Variants in CNTNAP2 observed in about 807,000 individuals in gnomAD.
The protein encoded by CNTNAP2 is contactin-associated protein-like 2.
In CNTNAP2, 98 loss-of-function variants were observed where a neutral mutation model predicts 155.2. That is an observed-to-expected ratio of 0.63 (90% CI 0.54 to 0.75). CNTNAP2 has a LOEUF of 0.75. CNTNAP2 is among the 30% of genes least tolerant of loss of function. The pLI is 0.00. For missense variants in CNTNAP2, 1,727 were observed against 1,688.1 expected (o/e 1.02, Z -0.40); for synonymous variants, 651 against 631.2 (o/e 1.03, Z -0.47).
rs1310791811 is a variant in CNTNAP2, at chr7:147,486,052, A to G, written c.1777+11A>G. On this transcript the variant is annotated intron_variant, in intron 11 of 23. Transcript: ENST00000361727. ...CCACCTGCCACAACTGTGAGTGCCA[A>G]TTTATCTCACTTTAATCTTGTAATT... 3 of 1,604,920 alleles carry G rather than the reference A, an allele frequency of 1.9e-6. No individual in the cohort carries two copies. In the African/African-American group the frequency reaches 4.0e-5, roughly 21 times the overall value.
chr7:148,042,379 G>A (rs1277445133), intron 15 of CNTNAP2, among the ~76,000 whole-genome samples: 1 of 152,200 alleles, frequency 6.6e-6, no homozygotes, highest in Non-Finnish European at 1.5e-5. Context: ...AGGGGGAAGG[G>A]AGGAGTTGTT....
chr7:147,769,116 C>G (rs1245445434), intron 13 of CNTNAP2, among the ~76,000 whole-genome samples: 1 of 152,054 alleles, frequency 6.6e-6, no homozygotes, highest in Non-Finnish European at 1.5e-5. Context: ...ATTTAATTAG[C>G]ACATGTGGTG....
At chr7:146,901,259 G>A (rs1003950777) in intron 3 of CNTNAP2, among the ~76,000 whole-genome samples, 1 of 152,124 alleles carries the variant, frequency 6.6e-6, no homozygotes, top group Non-Finnish European at 1.5e-5. Flanking sequence ...TTTCTGCTGA[G>A]TAAAAGCTAT....
At chr7:146,419,285 A>C (rs1221528564) in intron 1 of CNTNAP2, among the ~76,000 whole-genome samples, 4 of 152,034 alleles carry the variant, frequency 2.6e-5, no homozygotes. Context: ...AGTATGGGGG[A>C]AACTGCCCTC....
intron 1 of CNTNAP2, among the ~76,000 whole-genome samples, chr7:146,238,355 G>A (rs552933193): frequency 1.3e-5 from 2 of 152,186 alleles, no homozygotes; most frequent in South Asian, 4.1e-4. Context: ...ACAGTTTTAC[G>A]ACCATTAAAA....
intron 13 of CNTNAP2, among the ~76,000 whole-genome samples, chr7:147,783,720 C>T (rs73460109): frequency 0.061 from 9,250 of 152,226 alleles, 308 homozygotes; most frequent in African/African-American, 0.081. Flanking sequence ...GTGAAGCCCT[C>T]ATAAATGGGA....
chr7:147,659,006 G>A (rs73472817), intron 13 of CNTNAP2, among the ~76,000 whole-genome samples: 36,846 of 151,842 alleles, frequency 0.24, 8,449 homozygotes, highest in African/African-American at 0.6. Context: ...CAGCACTGAC[G>A]ATGTAAGACA....
intron 1 of CNTNAP2, among the ~76,000 whole-genome samples, chr7:146,411,827 C>T (rs1639496): frequency 0.4 from 57,120 of 143,126 alleles, 12,046 homozygotes; most frequent in African/African-American, 0.63. Context: ...TATTTATTTA[C>T]TTATTTATTT....
intron 15 of CNTNAP2, among the ~76,000 whole-genome samples, chr7:148,004,254 G>T (rs2116896908): frequency 6.6e-6 from 1 of 152,082 alleles, no homozygotes; most frequent in East Asian, 1.9e-4. Context: ...GCCAACCCTA[G>T]AACACAGTTT....
intron 1 of CNTNAP2, among the ~76,000 whole-genome samples, chr7:146,537,034 A>G (rs1264119435): frequency 6.6e-6 from 1 of 152,156 alleles, no homozygotes; most frequent in African/African-American, 2.4e-5. Flanking sequence ...AATTATTACC[A>G]CAAGTCCCCT....
chr7:146,540,593 A>G lies in CNTNAP2; in HGVS notation c.98-233678A>G, dbSNP rs183006823. Among the ~76,000 whole-genome samples, 486 of 152,130 alleles carry G rather than the reference A, an allele frequency of 3.2e-3. 4 individuals carry two copies. The highest frequency in any genetic ancestry group is 5.6e-3 in the Non-Finnish European group (379 of 67,980). On this transcript the variant is annotated intron_variant, in intron 1 of 23. Transcript: ENST00000361727. ...TATCATTTTATTTCTTTTCTGGCCTATGAGTCCCAAAATGTGGCATAGATA... is the reference window on the plus strand; with the variant it reads ...TATCATTTTATTTCTTTTCTGGCCTGTGAGTCCCAAAATGTGGCATAGATA...
At chr7:146,873,905 A>T (rs929899322) in intron 3 of CNTNAP2, among the ~76,000 whole-genome samples, 9 of 152,128 alleles carry the variant, frequency 5.9e-5, no homozygotes, top group Non-Finnish European at 1.2e-4. Context: ...TATTATTTAC[A>T]AAGATATTAT....
chr7:147,010,289 C>T (rs147608749), intron 3 of CNTNAP2, among the ~76,000 whole-genome samples: 349 of 151,698 alleles, frequency 2.3e-3, no homozygotes, highest in African/African-American at 7.5e-3. Flanking sequence ...GGATTACAGA[C>T]GTGAGCCACC....
chr7:146,494,055 C>T (rs559051907), intron 1 of CNTNAP2, among the ~76,000 whole-genome samples: 15 of 152,144 alleles, frequency 9.9e-5, no homozygotes, highest in African/African-American at 1.4e-4. Context: ...AAATGCAGGC[C>T]GGAAACAGTG....
chr7:146,784,198 C>T (rs1802535803), intron 2 of CNTNAP2, among the ~76,000 whole-genome samples: 1 of 152,028 alleles, frequency 6.6e-6, no homozygotes, highest in South Asian at 2.1e-4. Context: ...CCTTTGTGTA[C>T]CAAATTCTAT....
intron 3 of CNTNAP2, among the ~76,000 whole-genome samples, chr7:146,861,218 A>G (rs1015188449): frequency 6.6e-6 from 1 of 151,624 alleles, no homozygotes; most frequent in Middle Eastern, 3.2e-3. Flanking sequence ...ATGCCCAGCT[A>G]ATTTTTGTAT....
At chr7:148,034,587 T>C (rs1042643847) in intron 15 of CNTNAP2, among the ~76,000 whole-genome samples, 6 of 152,292 alleles carry the variant, frequency 3.9e-5, no homozygotes, top group African/African-American at 1.4e-4. Context: ...TTACCCAGTC[T>C]CAGGTATTCT....
intron 8 of CNTNAP2, among the ~76,000 whole-genome samples, chr7:147,266,551 AT>A (rs1439670371): frequency 1.3e-5 from 2 of 152,202 alleles, no homozygotes; most frequent in Non-Finnish European, 2.9e-5. Context: ...GAACAAAGTC[AT>A]GATAAGGTAT....
At chr7:147,217,924 T>G (rs1908763) in intron 8 of CNTNAP2, among the ~76,000 whole-genome samples, 119,990 of 151,920 alleles carry the variant, frequency 0.79, 47,882 homozygotes, top group African/African-American at 0.91. Context: ...TATCAAAGTT[T>G]TGGACATAGA....
Sources: allele counts gnomAD v4.1 joint callset (sites outside exome capture counted in the v4.1 genomes callset), GRCh38; gene constraint gnomAD v4.1.1; transcripts MANE v1.5; gene names NCBI Gene and HGNC (gene_info 2026-07-23, HGNC 2026-07-21).